ST6GALNAC6: variants seen among roughly 807,000 people sequenced by gnomAD.
The protein encoded by ST6GALNAC6 is alpha-N-acetylgalactosaminide alpha-2,6-sialyltransferase 6.
A neutral mutation model predicts 34.3 loss-of-function variants in ST6GALNAC6; 19 were observed. The observed-to-expected ratio is 0.55, with a 90% CI of 0.39 to 0.81. The LOEUF is 0.81. ST6GALNAC6 is among the 40% of genes least tolerant of loss of function. ST6GALNAC6 has a pLI of 0.00. For missense variants in ST6GALNAC6, 377 were observed against 467.7 expected (o/e 0.81, Z 1.79); for synonymous variants, 185 against 182.1 (o/e 1.02, Z -0.13).
At chr9:127,897,844 C>G in intron 2 of ST6GALNAC6, 112 bp downstream of exon 2, 1 of 1,586,508 alleles carries the variant, frequency 6.3e-7, no homozygotes, top group African/African-American at 1.3e-5. Flanking sequence ...GAGCTGTGCC[C>G]TCAGCCAGGA....
chr9:127,894,978 G>A (rs1020972683), intron 3 of ST6GALNAC6, among the ~76,000 whole-genome samples: 1 of 152,192 alleles, frequency 6.6e-6, no homozygotes, highest in African/African-American at 2.4e-5. Flanking sequence ...AACATGGAAG[G>A]TTCTCCGGGA....
chr9:127,892,976 C>T (rs533333262), intron 4 of ST6GALNAC6, among the ~76,000 whole-genome samples: 146 of 152,288 alleles, frequency 9.6e-4, no homozygotes, highest in Non-Finnish European at 1.4e-3. Flanking sequence ...AACTATCCCA[C>T]GCCTCCTCAT....
chr9:127,886,928 A>G (rs1829800048), intron 6 of ST6GALNAC6, 140 bp from the exon 7 acceptor site: 7 of 855,360 alleles, frequency 8.2e-6, no homozygotes, highest in Non-Finnish European at 1.2e-5. Flanking sequence ...CATCCATAAA[A>G]TGGGTGCAGG....
chr9:127,896,278 GGGTA>G lies in ST6GALNAC6; in HGVS notation c.77_80del (p.Leu26ProfsTer9), dbSNP rs767687800. On this transcript the variant is annotated frameshift_variant, in exon 3 of 7. Coordinates refer to ENST00000373146, the MANE Select transcript of ST6GALNAC6 (RefSeq NM_013443.5). LOFTEE classifies it high-confidence loss of function. Reference sequence around the variant, plus strand: ...TCATTTCTCTCCGGCGTCTGCTGAGGGGTAGGTGTCGGCGTCCTGCAGGTGGCCC... The same window carrying G: ...TCATTTCTCTCCGGCGTCTGCTGAGGGGTGTCGGCGTCCTGCAGGTGGCCC... The G allele has an allele frequency of 1.9e-6, 3 of 1,614,172 alleles. No homozygotes were observed. Among genetic ancestry groups the G allele is most frequent in the Non-Finnish European group, 2.5e-6 (3 of 1,180,020 alleles).
chr9:127,900,991 C>CAAAAAAAAAAAAAAAAAAA (rs56673204), upstream of ST6GALNAC6, among the ~76,000 whole-genome samples: 12 of 61,002 alleles, frequency 2.0e-4, no homozygotes, highest in East Asian at 1.2e-3. Context: ...AACTCCCTAT[C>CAAAAAAAAAAAAAAAAAAA]AAAAAAAAAA....
In ST6GALNAC6 at chr9:127,890,990, C is replaced by G; in HGVS notation, c.351G>C (p.Leu117=). ...TCTCAGGGCCCAGCTTGGTGCCCAGCAGGTGGCTGGAGCTGCTGACAATCA... is the reference window on the plus strand; with the variant it reads ...TCTCAGGGCCCAGCTTGGTGCCCAGGAGGTGGCTGGAGCTGCTGACAATCA... ...QCVIVSSSSH[L]LGTKLGPEIE... Residue 117 remains leucine, a synonymous_variant, in exon 5 of 7, where the codon CTG becomes CTC. Coordinates refer to ENST00000373146, the MANE Select transcript of ST6GALNAC6 (RefSeq NM_013443.5). The surrounding 1 kb of genome is among the most constrained non-coding windows in gnomAD (Gnocchi z 4.3). 1 of 1,614,162 alleles carries G rather than the reference C, an allele frequency of 6.2e-7. No homozygotes were observed. Among genetic ancestry groups the G allele is most frequent in the Non-Finnish European group, 8.5e-7 (1 of 1,180,036 alleles).
intron 5 of ST6GALNAC6, among the ~76,000 whole-genome samples, chr9:127,889,752 A>AATTTCTATATGAC: frequency 6.6e-6 from 1 of 152,210 alleles, no homozygotes; most frequent in Admixed American, 6.5e-5. Context: ...CACAGAAATC[A>AATTTCTATATGAC]ATTTCTATAT....
chr9:127,889,131 C>T (rs7873202), intron 5 of ST6GALNAC6, among the ~76,000 whole-genome samples: 128,210 of 152,086 alleles, frequency 0.84, 55,297 homozygotes, highest in Non-Finnish European at 0.93. Flanking sequence ...GGTGGATCGC[C>T]TGAGGTCAGG....
chr9:127,895,942 C>T (rs925071218), intron 3 of ST6GALNAC6, among the ~76,000 whole-genome samples: 7 of 152,202 alleles, frequency 4.6e-5, no homozygotes, highest in Non-Finnish European at 7.3e-5. Context: ...CCTGCCCACC[C>T]CTCTCTCCTG....
At chr9:127,895,417 GCTCC>G (rs932830427) in intron 3 of ST6GALNAC6, among the ~76,000 whole-genome samples, 6 of 152,180 alleles carry the variant, frequency 3.9e-5, no homozygotes, top group Non-Finnish European at 8.8e-5. Context: ...CCGAAGTCCA[GCTCC>G]TACAGTACAC....
At chr9:127,900,006 C>A (rs74978654), upstream of ST6GALNAC6, among the ~76,000 whole-genome samples, 2,173 of 152,330 alleles carry the variant, frequency 0.014, 131 homozygotes, top group East Asian at 0.2. Flanking sequence ...TTAGGGTTCA[C>A]CCTCAGATTC....
chr9:127,891,169 C>A (rs555894707), intron 4 of ST6GALNAC6, 126 bp from the exon 5 acceptor site: 201 of 1,180,674 alleles, frequency 1.7e-4, no homozygotes, highest in Middle Eastern at 8.4e-4. Context: ...TGAGCCCATT[C>A]ATTCCACATT....
At chr9:127,887,720 G>C (rs1225855367) in intron 5 of ST6GALNAC6, 129 bp from the exon 6 acceptor site, 5 of 709,184 alleles carry the variant, frequency 7.1e-6, no homozygotes, top group Non-Finnish European at 1.2e-5. Flanking sequence ...TCCCACTTTG[G>C]TTACCCCAAG....
chr9:127,896,317 G>A lies in ST6GALNAC6; in HGVS notation c.42C>T (p.Ser14=), dbSNP rs776149269. ...GTCCTGCAGGTGGCCCTGGGGGCAG[G>A]GATGTGGGTTCACACCTGCAAGCCA... ...SRPPSQCEPT[S]LPPGPPAGRR... is the part of the protein sequence containing the mutation. Residue 14 remains serine (S), a synonymous_variant, in exon 3 of 7, where the codon TCC becomes TCT. Coordinates refer to ENST00000373146, the MANE Select transcript of ST6GALNAC6 (RefSeq NM_013443.5). 3.1e-6 allele frequency: 5 copies of A among 1,612,882 alleles called. No individual in the cohort carries two copies. The highest frequency in any genetic ancestry group is 4.2e-6 in the Non-Finnish European group (5 of 1,179,426).
chr9:127,890,119 T>G lies in ST6GALNAC6; in HGVS notation c.704+518A>C, dbSNP rs1830047703. On this transcript the variant is annotated intron_variant, in intron 5 of 6. Coordinates refer to ENST00000373146, the MANE Select transcript of ST6GALNAC6 (RefSeq NM_013443.5). This position sits in a 1 kb window ranked among gnomAD's most constrained non-coding sequence, Gnocchi z 4.3. ...GCTATTCACTAATTTTAAAGTGCGA[T>G]TACTATGAAAATAAATGACATATGT... 2.0e-5 allele frequency among the ~76,000 whole-genome samples: 3 copies of G among 152,176 alleles called. No individual in the cohort carries two copies.
At chr9:127,900,640 G>C (rs1830718408), upstream of ST6GALNAC6, among the ~76,000 whole-genome samples, 1 of 149,322 alleles carries the variant, frequency 6.7e-6, no homozygotes, top group African/African-American at 2.5e-5. Flanking sequence ...GATATTTATA[G>C]GATATTTACG....
At chr9:127,888,609 C>G (rs1005997026) in intron 5 of ST6GALNAC6, among the ~76,000 whole-genome samples, 2 of 151,432 alleles carry the variant, frequency 1.3e-5, no homozygotes, top group African/African-American at 4.9e-5. Flanking sequence ...GAGATTGAGA[C>G]CAGCCTGGCC....
At chr9:127,904,611 G>A (rs1413670156), upstream of ST6GALNAC6, 3 of 152,234 alleles carry the variant, frequency 2.0e-5, no homozygotes, top group South Asian at 2.1e-4. Context: ...ACTCCGCAGC[G>A]GGTCGTGGGC....
Position 127,890,506 on chromosome 9 carries a change from G to T in ST6GALNAC6, c.704+131C>A. On this transcript the variant is annotated intron_variant, in intron 5 of 6. Transcript: ENST00000373146. The surrounding 1 kb of genome is among the most constrained non-coding windows in gnomAD (Gnocchi z 4.3). ...GACATGAAGAGAACTCTCCTAGGAG[G>T]CCCAACCAGAGGACGGCGGGACTTG... is the stretch of plus-strand genomic sequence containing the variant. 1.5e-6 allele frequency: 2 copies of T among 1,308,404 alleles called. No homozygotes were observed. The highest frequency in any genetic ancestry group is 2.5e-5 in the East Asian group (1 of 40,428). 81.0% of individuals were successfully genotyped at this position (1,308,404 alleles called of 1,614,324 possible).
Sources: gnomAD v4.1 joint callset for allele counts (sites outside exome capture counted in the v4.1 genomes callset) on GRCh38, gnomAD v4.1.1 for gene constraint, Gnocchi (gnomAD v3.1) non-coding constraint, MANE v1.5 for transcripts, NCBI Gene and HGNC (gene_info 2026-07-23, HGNC 2026-07-21) for gene names.